FARSA: variants seen among roughly 807,000 people sequenced by gnomAD.
FARSA encodes the protein phenylalanyl-tRNA synthetase subunit alpha.
A neutral mutation model predicts 63.2 loss-of-function variants in FARSA; 37 were observed. The observed-to-expected ratio is 0.59, with a 90% CI of 0.45 to 0.77. The LOEUF (loss-of-function observed/expected upper bound fraction) is 0.77, where lower values mean the gene tolerates loss of function less well. FARSA is among the 30% of genes least tolerant of loss of function. FARSA has a pLI of 0.00. For missense variants in FARSA, 618 were observed against 696.6 expected (o/e 0.89, Z 1.27); for synonymous variants, 312 against 285.1 (o/e 1.09, Z -0.95).
In FARSA at chr19:12,922,644, C is replaced by A. The variant is rs747087928; in HGVS notation, c.*104G>T. 4.2e-6 allele frequency: 6 copies of A among 1,418,382 alleles called. No individual in the cohort carries two copies. The highest frequency in any genetic ancestry group is 3.8e-5 in the Admixed American group (2 of 53,270). The allele number at this position is 1,418,382 out of a possible 1,614,324, so 87.9% of individuals were successfully genotyped here. ...CAGGTGGGAAAGAGGAAGGTGGGGG[C>A]TGGCCTCACAGAGGCCTCATAAATA... On this transcript the variant is annotated 3_prime_UTR_variant, in exon 13 of 13. Coordinates refer to ENST00000314606, the MANE Select transcript of FARSA (RefSeq NM_004461.3).
intron 1 of FARSA, among the ~76,000 whole-genome samples, chr19:12,931,556 C>T (rs530390709): frequency 2.6e-5 from 4 of 152,156 alleles, no homozygotes; most frequent in East Asian, 1.9e-4. Context: ...CCGCCGTGCC[C>T]GGCCCTTTAA....
At chr19:12,933,053 GCTTTGC>G (rs1446257793) in intron 1 of FARSA, 1 of 162,594 alleles carries the variant, frequency 6.2e-6, no homozygotes, top group East Asian at 1.9e-4. Context: ...GACCTAAGAG[GCTTTGC>G]AATTACAGCT....
chr19:12,928,676 G>A lies in FARSA; in HGVS notation c.597-13C>T. ...CCGCCAAGAGCCACTGGGGGAGGAT[G>A]CAAGGGCCTGGTAAGGGCTGCCCGC... On this transcript the variant is annotated splice_polypyrimidine_tract_variant and intron_variant, in intron 5 of 12. Coordinates refer to ENST00000314606, the MANE Select transcript of FARSA (RefSeq NM_004461.3). The A allele has an allele frequency of 6.2e-7, 1 of 1,613,214 alleles. No individual in the cohort carries two copies. Among genetic ancestry groups the A allele is most frequent in the South Asian group, 1.1e-5 (1 of 91,022 alleles).
intron 7 of FARSA, among the ~76,000 whole-genome samples, chr19:12,927,620 T>C (rs1266191520): frequency 6.1e-5 from 9 of 147,924 alleles, no homozygotes; most frequent in Non-Finnish European, 1.5e-5. Context: ...TAATCCCAGC[T>C]ACTCAGGAGG....
chr19:12,930,168 TCCA>T (rs1971374059), intron 4 of FARSA, 52 bp downstream of exon 4: 22 of 1,377,462 alleles, frequency 1.6e-5, no homozygotes, highest in Non-Finnish European at 1.0e-6. Flanking sequence ...CCACCATGCC[TCCA>T]CCATGCTTCG....
intron 7 of FARSA, 102 bp downstream of exon 7, chr19:12,928,240 A>G (rs1971349684): frequency 6.7e-6 from 6 of 892,600 alleles, no homozygotes; most frequent in Non-Finnish European, 1.0e-5. Context: ...CACCATGCCC[A>G]GTTCTAGACC....
chr19:12,925,310 G>C, intron 7 of FARSA, 136 bp from the exon 8 acceptor site: 1 of 674,982 alleles, frequency 1.5e-6, no homozygotes, highest in East Asian at 2.7e-5. Context: ...CTGCCTCCCA[G>C]GTTCAAGTGA....
At chr19:12,930,564 G>A in intron 2 of FARSA, 37 bp from the exon 3 acceptor site, 1 of 1,609,122 alleles carries the variant, frequency 6.2e-7, no homozygotes, top group Non-Finnish European at 8.5e-7. Flanking sequence ...GGGCACGAGG[G>A]CCACCTTCAT....
intron 8 of FARSA, 33 bp from the exon 9 acceptor site, chr19:12,925,036 G>A (rs1209580207): frequency 6.2e-7 from 1 of 1,612,440 alleles, no homozygotes; most frequent in Non-Finnish European, 8.5e-7. Context: ...TCCATGCAAT[G>A]GCCCAGGGGT....
rs774206951 is a variant in FARSA at position 12,930,694 on chromosome 19, T to C, written c.203A>G (p.Glu68Gly). Residue 68 changes from glutamate (E) to glycine (G), a missense_variant, in exon 2 of 13, where the codon GAG (glutamate) becomes GGG (glycine). Glu to Gly is a moderately conservative substitution (Grantham distance 98, BLOSUM62 -2). Transcript: ENST00000314606. ...ATGGCTGCCCTCCCGGGCAATCTCC[T>C]CGCCCTCCGCAGTAAGCTCCCAGTG... ...TKHWELTAEGEEIAREGSHEA... is the reference protein window; with the variant it reads ...TKHWELTAEGGEIAREGSHEA... 5.6e-6 allele frequency: 9 copies of C among 1,613,260 alleles called. No individual in the cohort carries two copies. Among genetic ancestry groups the C allele is most frequent in the Non-Finnish European group, 7.6e-6 (9 of 1,180,006 alleles).
chr19:12,924,837 T>C lies in FARSA; in HGVS notation c.1027-30A>G, dbSNP rs200214203. ...GGGTGACAACCGAGCCAGGCCCAGGTATGGGTCAGAAGGTCCCTTTGACAG... is the reference window on the plus strand; with the variant it reads ...GGGTGACAACCGAGCCAGGCCCAGGCATGGGTCAGAAGGTCCCTTTGACAG... On this transcript the variant is annotated intron_variant, in intron 9 of 12. Transcript: ENST00000314606. The surrounding 1 kb of genome is among the most constrained non-coding windows in gnomAD (Gnocchi z 6.4). 2.2e-4 allele frequency: 347 copies of C among 1,612,854 alleles called. 1 individual carries two copies. In the African/African-American group the frequency reaches 4.1e-3, roughly 19 times the overall value.
At chr19:12,931,329 T>C (rs1004074141) in intron 1 of FARSA, among the ~76,000 whole-genome samples, 2 of 152,056 alleles carry the variant, frequency 1.3e-5, no homozygotes, top group Non-Finnish European at 2.9e-5. Flanking sequence ...AATGGTGCGA[T>C]CTCGGTTCAC....
Position 12,930,657 on chromosome 19 carries a change from C to T in FARSA, c.240G>A (p.Val80=), listed in dbSNP as rs1488449693. The T allele has an allele frequency of 6.2e-7, 1 of 1,613,842 alleles. No homozygotes were observed. The highest frequency in any genetic ancestry group is 1.7e-5 in the Admixed American group (1 of 60,016). ...IAREGSHEAR[V]FRSIPPEGLA... is the part of the protein sequence containing the mutation. ...GGCCCTCTGGGGGAATGCTTCGAAA[C>T]ACACGGGCCTCATGGCTGCCCTCCC... The change falls in exon 2 of 13, where the codon GTG becomes GTA. Residue 80 remains valine, a synonymous_variant. Transcript: ENST00000314606.
In FARSA at chr19:12,924,672, T is replaced by C. The variant is rs201131468; in HGVS notation, c.1162A>G (p.Met388Val). 1 of 1,595,656 alleles carries C rather than the reference T, an allele frequency of 6.3e-7. No individual in the cohort carries two copies. Among genetic ancestry groups the C allele is most frequent in the African/African-American group, 1.3e-5 (1 of 74,908 alleles). ...ADHGLTLGHL[M>V]GVLREFFTKL... ...GTGAAGAACTCCCGCAGAACGCCCA[T>C]GAGGTGGCCCAAGGTGAGACCATGA... Residue 388 changes from methionine (M) to valine (V), a missense_variant, in exon 10 of 13, where the codon ATG (methionine) becomes GTG (valine). Coordinates refer to ENST00000314606, the MANE Select transcript of FARSA (RefSeq NM_004461.3). The surrounding 1 kb of genome is among the most constrained non-coding windows in gnomAD (Gnocchi z 6.4).
rs370197964 is a variant in FARSA at position 12,922,784 on chromosome 19, G to A, written c.1491C>T (p.Ala497=). The A allele has an allele frequency of 1.8e-5, 29 of 1,613,924 alleles. No individual in the cohort carries two copies. The Admixed American group carries it at 2.2e-4, about 12-fold the overall frequency. ...VYDSPLCRLD[A]EPRPPPTQEA... ...CCTGTGTGGGAGGGGGCCTCGGCTC[G>A]GCATCCAGGCGGCACAGGGGACTGT... The change falls in exon 13 of 13, where the codon GCC becomes GCT. Residue 497 remains alanine, a synonymous_variant. Coordinates refer to ENST00000314606, the MANE Select transcript of FARSA (RefSeq NM_004461.3).
rs746493788 is a variant in FARSA at position 12,930,288 on chromosome 19, T to TC, written c.437dup (p.Gln147ThrfsTer3). ...CCTTCTCCCCCAGCTTCTCAGCCTGTCCCCCCCGGACCAGCTGGAGCCGCC... is the reference window on the plus strand; with the variant it reads ...CCTTCTCCCCCAGCTTCTCAGCCTGTCCCCCCCCGGACCAGCTGGAGCCGCC... On this transcript the variant is annotated frameshift_variant, in exon 4 of 13. Transcript: ENST00000314606. LOFTEE classifies it high-confidence loss of function. 7.4e-6 allele frequency: 12 copies of TC among 1,613,252 alleles called. No homozygotes were observed. Among genetic ancestry groups the TC allele is most frequent in the East Asian group, 2.2e-5 (1 of 44,862 alleles).
Position 12,930,392 on chromosome 19 carries a change from C to T in FARSA, c.384+37G>A, listed in dbSNP as rs760604587. On this transcript the variant is annotated intron_variant, in intron 3 of 12. Transcript: ENST00000314606. ...TATGAGGGCCAGGGGCCCATGTGCC[C>T]GTCCACCTGCCCCCTGACCAGCCCG... The T allele has an allele frequency of 5.3e-5, 86 of 1,612,574 alleles. 1 individual carries two copies. The highest frequency in any genetic ancestry group is 2.2e-4 in the East Asian group (10 of 44,866).
At chr19:12,933,283 G>C in intron 1 of FARSA, 1 of 428,664 alleles carries the variant, frequency 2.3e-6, no homozygotes, top group Non-Finnish European at 4.0e-6. Context: ...GTCGCAACCT[G>C]CGTGAGGGCA....
intron 1 of FARSA, 81 bp downstream of exon 1, chr19:12,933,469 T>C (rs1477690357): frequency 1.1e-5 from 16 of 1,482,618 alleles, no homozygotes; most frequent in East Asian, 2.5e-5. Context: ...CTGAGGGAAT[T>C]TGGCTTGGAC....
Sources: gnomAD v4.1 joint callset for allele counts (sites outside exome capture counted in the v4.1 genomes callset) on GRCh38, gnomAD v4.1.1 for gene constraint, Gnocchi (gnomAD v3.1) non-coding constraint, MANE v1.5 for transcripts, NCBI Gene and HGNC (gene_info 2026-07-23, HGNC 2026-07-21) for gene names.